Variants in MLH3 observed in about 807,000 individuals in gnomAD.
The protein encoded by MLH3 is DNA mismatch repair protein Mlh3.
Under a neutral mutation model 122.2 loss-of-function variants are expected in MLH3, and 82 were observed. That is an observed-to-expected ratio of 0.67 (90% confidence interval 0.56 to 0.81). The LOEUF is 0.81. Ranked by LOEUF, MLH3 falls within the 30% of genes least tolerant of loss-of-function variation. The probability of loss-of-function intolerance (pLI) is 0.00; values close to 1 mark genes in which losing one functional copy is unlikely to be tolerated. For missense variants in MLH3, 1,539 were observed against 1,714.5 expected (o/e 0.90, Z 1.81); for synonymous variants, 524 against 599.5 (o/e 0.87, Z 1.84).
intron 9 of MLH3, among the ~76,000 whole-genome samples, chr14:75,027,664 T>TAAAAAAAAAA (rs56986784): frequency 9.7e-5 from 3 of 30,898 alleles, no homozygotes; most frequent in Non-Finnish European, 1.7e-4. Context: ...TTTACTTCAG[T>TAAAAAAAAAA]AAAAAAAAAA....
At chr14:75,030,009 C>T (rs1890934617) in intron 9 of MLH3, among the ~76,000 whole-genome samples, 1 of 151,840 alleles carries the variant, frequency 6.6e-6, no homozygotes, top group Non-Finnish European at 1.5e-5. Flanking sequence ...AAAAAATTAG[C>T]CAGGCATGGT....
At chr14:75,031,879 C>G (rs1405200216) in intron 8 of MLH3, among the ~76,000 whole-genome samples, 189 bp downstream of exon 8, 5 of 152,192 alleles carry the variant, frequency 3.3e-5, no homozygotes, top group Non-Finnish European at 7.3e-5. Context: ...AGGAAACAAA[C>G]AGCCTGTGGA....
intron 12 of MLH3, among the ~76,000 whole-genome samples, chr14:75,018,586 A>T (rs538700360): frequency 6.6e-6 from 1 of 152,364 alleles, no homozygotes; most frequent in South Asian, 2.1e-4. Flanking sequence ...AAGTCTGTAC[A>T]TGTGTTAAGT....
chr14:75,047,447 A>T lies in MLH3; in HGVS notation c.2209T>A (p.Ser737Thr). The stretch of plus-strand genomic sequence containing the variant: ...AGCTTCTTACGGACGATTGGTTTGG[A>T]GAAACCAATTAATTTATCTGTTTTC... ...SRKTDKLIGF[S>T]KPIVRKKLSL... Residue 737 changes from serine to threonine, a missense_variant, in exon 2 of 13, where the codon TCC (serine) becomes ACC (threonine). Physicochemically the swap from Ser to Thr is moderately conservative, Grantham distance 58. Coordinates refer to ENST00000355774, the MANE Select transcript of MLH3 (RefSeq NM_001040108.2). 1 of 1,614,068 alleles carries T rather than the reference A, an allele frequency of 6.2e-7. No homozygotes were observed. Among genetic ancestry groups the T allele is most frequent in the Non-Finnish European group, 8.5e-7 (1 of 1,179,954 alleles).
chr14:75,050,721 T>C (rs541707945), intron 1 of MLH3: 7 of 152,418 alleles, frequency 4.6e-5, no homozygotes, highest in South Asian at 2.1e-4. Context: ...ATTAATATTC[T>C]TTTGGTCTTT....
intron 11 of MLH3, among the ~76,000 whole-genome samples, chr14:75,020,182 T>G (rs535524181): frequency 1.3e-5 from 2 of 152,212 alleles, no homozygotes; most frequent in South Asian, 4.1e-4. Flanking sequence ...AAAAGCAGGC[T>G]GGGATGTAAA....
At position 75,042,387 on chromosome 14, in the gene MLH3, T is replaced by G. The variant is rs751509115; in HGVS notation, c.3371A>C (p.Asp1124Ala). 1 of 1,613,976 alleles carries G rather than the reference T, an allele frequency of 6.2e-7. No individual in the cohort carries two copies. The highest frequency in any genetic ancestry group is 8.5e-7 in the Non-Finnish European group (1 of 1,179,960). The change falls in exon 3 of 13, where the codon GAT (aspartate) becomes GCT (alanine). Residue 1124 changes from aspartate to alanine, a missense_variant. Coordinates refer to ENST00000355774, the MANE Select transcript of MLH3 (RefSeq NM_001040108.2). ...ARAERTVMRQ[D>A]NRDTVDDTVS... ...CTCTCTGCCACCCTTACCTCTGTTA[T>G]CCTGTCTCATCACAGTCCTCTCTGC...
At position 75,048,707 on chromosome 14, in the gene MLH3, A is replaced by C. The variant is rs2139593510; in HGVS notation, c.949T>G (p.Tyr317Asp). 1 of 1,614,188 alleles carries C rather than the reference A, an allele frequency of 6.2e-7. No individual in the cohort carries two copies. Among genetic ancestry groups the C allele is most frequent in the Non-Finnish European group, 8.5e-7 (1 of 1,180,022 alleles). The change falls in exon 2 of 13, where the codon TAT becomes GAT. Residue 317 changes from tyrosine (Y) to aspartate (D), a missense_variant. Tyr to Asp is a radical substitution (Grantham distance 160, BLOSUM62 -3). Transcript: ENST00000355774. ...VINVQCQFCE[Y>D]DVCMEPAKTL... ...TTGGCTGGCTCCATGCACACATCAT[A>C]CTCACAGAATTGGCACTGCACATTA... is the stretch of plus-strand genomic sequence containing the variant.
rs1304779688 is a variant in MLH3 at position 75,013,794 on chromosome 14, T to C, written c.*3288A>G. On this transcript the variant is annotated 3_prime_UTR_variant, in exon 13 of 13. Transcript: ENST00000355774. The stretch of plus-strand genomic sequence containing the variant: ...AAAAAGGAAGGAAGGAAGGGTTTAT[T>C]TGATGCAGATTCTTCAGCATTTTGT... The C allele has an allele frequency of 4.5e-6, 1 of 222,928 alleles. No homozygotes were observed. Among genetic ancestry groups the C allele is most frequent in the Non-Finnish European group, 9.0e-6 (1 of 111,658 alleles). 13.8% of individuals were successfully genotyped at this position (222,928 alleles called of 1,614,324 possible).
intron 3 of MLH3, among the ~76,000 whole-genome samples, chr14:75,042,118 A>G (rs1891895232): frequency 6.6e-6 from 1 of 152,252 alleles, no homozygotes; most frequent in African/African-American, 2.4e-5. Flanking sequence ...CTTTTTAAAA[A>G]TAAGAAACAT....
At chr14:75,042,778 C>G (rs977156476) in intron 2 of MLH3, among the ~76,000 whole-genome samples, 2 of 151,010 alleles carry the variant, frequency 1.3e-5, no homozygotes, top group Non-Finnish European at 3.0e-5. Flanking sequence ...GTCTTGAGAC[C>G]CTTTTTTTTT....
At chr14:75,038,032 T>A (rs1272578943) in intron 6 of MLH3, among the ~76,000 whole-genome samples, 5 of 152,196 alleles carry the variant, frequency 3.3e-5, no homozygotes. Context: ...CCTGAGTAGC[T>A]GGGACTACAG....
At chr14:75,042,623 C>A in intron 2 of MLH3, 146 bp from the exon 3 acceptor site, 1 of 668,644 alleles carries the variant, frequency 1.5e-6, no homozygotes. Context: ...AATCAGAAAT[C>A]CTTTAATGAA....
intron 6 of MLH3, among the ~76,000 whole-genome samples, chr14:75,038,057 G>A (rs1263744076): frequency 1.3e-5 from 2 of 152,072 alleles, no homozygotes; most frequent in Non-Finnish European, 2.9e-5. Flanking sequence ...ACACCACCAT[G>A]CCCAGCTAAT....
At chr14:75,042,277 AG>A in intron 3 of MLH3, 101 bp downstream of exon 3, 1 of 960,332 alleles carries the variant, frequency 1.0e-6, no homozygotes, top group Non-Finnish European at 1.7e-6. Context: ...ATTCCAGTAC[AG>A]CACAGCTGGC....
intron 4 of MLH3, among the ~76,000 whole-genome samples, chr14:75,041,107 G>A (rs1265550497): frequency 6.6e-6 from 1 of 152,108 alleles, no homozygotes; most frequent in Non-Finnish European, 1.5e-5. Flanking sequence ...CCAGGCTATA[G>A]TGTGCAGTGG....
In MLH3 at chr14:75,016,114, A is replaced by G. The variant is rs1248273847; in HGVS notation, c.*968T>C. On this transcript the variant is annotated 3_prime_UTR_variant, in exon 13 of 13. Transcript: ENST00000355774. ...ATAGATTGAGAATGGCATAACAAGC[A>G]TTTGCAGAACGATCAGTCCTGGTCC... 1 of 225,424 alleles carries G rather than the reference A, an allele frequency of 4.4e-6. No individual in the cohort carries two copies. The highest frequency in any genetic ancestry group is 8.8e-6 in the Non-Finnish European group (1 of 113,292). 14.0% of individuals were successfully genotyped at this position (225,424 alleles called of 1,614,324 possible). A position where few individuals can be genotyped will look rare whatever the true frequency, so the allele number is the denominator to read the frequency against.
chr14:75,022,929 C>T lies in MLH3; in HGVS notation c.4012-37G>A, dbSNP rs175057. On this transcript the variant is annotated intron_variant, in intron 10 of 12. Coordinates refer to ENST00000355774, the MANE Select transcript of MLH3 (RefSeq NM_001040108.2). ...ACACGTTATTAACAGGAAAAGAAAA[C>T]GGAACAACGAAGCCTTTTATGTGTG... The T allele has an allele frequency of 0.46, 744,310 of 1,613,404 alleles. 175,840 individuals carry two copies. The highest frequency in any genetic ancestry group is 0.51 in the Middle Eastern group (3,119 of 6,058).
Position 75,022,816 on chromosome 14 carries a change from T to C in MLH3, c.4088A>G (p.His1363Arg), listed in dbSNP as rs146090446. ...CACTGCTATGTTGAAGGGCTTACCA[T>C]GGCAGGCTTGGGATGCCAACACCTT... The part of the protein sequence containing the change: ...VQKVLASQAC[H>R]GAIKFNDGLS... The change falls in exon 11 of 13, where the codon CAT becomes CGT. Residue 1363 changes from histidine to arginine, a missense_variant and splice_region_variant. Coordinates refer to ENST00000355774, the MANE Select transcript of MLH3 (RefSeq NM_001040108.2). The C allele has an allele frequency of 1.9e-6, 3 of 1,614,064 alleles. No individual in the cohort carries two copies. The highest frequency in any genetic ancestry group is 2.5e-6 in the Non-Finnish European group (3 of 1,179,912).
Sources: gnomAD v4.1 joint callset for allele counts (sites outside exome capture counted in the v4.1 genomes callset) on GRCh38, gnomAD v4.1.1 for gene constraint, MANE v1.5 for transcripts, NCBI Gene and HGNC (gene_info 2026-07-23, HGNC 2026-07-21) for gene names.